ATP2C1: variants seen among roughly 807,000 people sequenced by gnomAD.
ATP2C1 encodes ATPase secretory pathway Ca2+ transporting 1.
ATP2C1 carries 31 observed loss-of-function variants against 120.5 expected under a neutral mutation model. The observed-to-expected ratio is 0.26, with a 90% CI of 0.19 to 0.35. ATP2C1 has a LOEUF of 0.35. ATP2C1 is among the 10% of genes least tolerant of loss of function. The pLI is 1.00. For synonymous variants in ATP2C1, 351 were observed against 358.7 expected (o/e 0.98, Z 0.24); for missense variants, 731 against 1,107.5 (o/e 0.66, Z 4.83).
chr3:131,014,460 G>C (rs569324714), intron 26 of ATP2C1: 29 of 1,399,940 alleles, frequency 2.1e-5, no homozygotes, highest in Non-Finnish European at 9.7e-6. Flanking sequence ...CATTGACATA[G>C]CTTCAACAAA....
At chr3:130,963,024 G>A (rs1235595881) in intron 12 of ATP2C1, 1 of 151,978 alleles carries the variant, frequency 6.6e-6, no homozygotes, top group Non-Finnish European at 1.5e-5. Flanking sequence ...AACAGTGGTA[G>A]AATGAAGGGT....
chr3:130,911,964 T>C (rs1446875410), intron 2 of ATP2C1, among the ~76,000 whole-genome samples: 3 of 133,330 alleles, frequency 2.3e-5, no homozygotes, highest in South Asian at 2.6e-4. Flanking sequence ...TACAACTATC[T>C]GATCTTTGAC....
chr3:131,002,170 A>G lies in ATP2C1; in HGVS notation c.*820A>G, dbSNP rs1399228472. 1 of 977,122 alleles carries G rather than the reference A, an allele frequency of 1.0e-6. No individual in the cohort carries two copies. The highest frequency in any genetic ancestry group is 1.8e-5 in the African/African-American group (1 of 57,066). The allele number at this position is 977,122 out of a possible 1,614,324, so 60.5% of individuals were successfully genotyped here. A position where few individuals can be genotyped will look rare whatever the true frequency, so the allele number is the denominator to read the frequency against. ...TTGAAGTTTATAATAAATTATATTA[A>G]CATGTCTTCCTTTTTGAGGTAAAGA... On this transcript the variant is annotated 3_prime_UTR_variant, in exon 28 of 28. Coordinates refer to ENST00000510168, the MANE Select transcript of ATP2C1 (RefSeq NM_001378687.1).
At chr3:130,907,079 TACAC>T (rs55687116) in intron 2 of ATP2C1, among the ~76,000 whole-genome samples, 14 of 149,928 alleles carry the variant, frequency 9.3e-5, no homozygotes, top group Non-Finnish European at 1.3e-4. Flanking sequence ...TATATGTGTG[TACAC>T]ACACACACAC....
At chr3:130,941,222 C>CTGTGTG (rs1448986686) in intron 7 of ATP2C1, among the ~76,000 whole-genome samples, 1,846 of 105,118 alleles carry the variant, frequency 0.018, 46 homozygotes, top group African/African-American at 0.056. Context: ...CTGTATTTAA[C>CTGTGTG]AGTGTGTGTG....
At chr3:130,973,619 C>G (rs1157133216) in intron 17 of ATP2C1, among the ~76,000 whole-genome samples, 1 of 152,052 alleles carries the variant, frequency 6.6e-6, no homozygotes, top group South Asian at 2.1e-4. Flanking sequence ...GATTTCATCA[C>G]CATACTCAGA....
intron 2 of ATP2C1, among the ~76,000 whole-genome samples, chr3:130,928,765 A>T (rs1425307064): frequency 6.6e-6 from 1 of 152,158 alleles, no homozygotes; most frequent in African/African-American, 2.4e-5. Flanking sequence ...AGGTTTGGGG[A>T]TCTTAGAAAT....
intron 9 of ATP2C1, among the ~76,000 whole-genome samples, 192 bp from the exon 10 acceptor site, chr3:130,954,820 G>GTT (rs1452824122): frequency 6.6e-6 from 1 of 152,022 alleles, no homozygotes; most frequent in Non-Finnish European, 1.5e-5. Flanking sequence ...TGTTTCCAGA[G>GTT]TTTAAATCAT....
In ATP2C1 at chr3:130,947,015, T is replaced by C. The variant is rs536112273; in HGVS notation, c.531+5316T>C. ...TTGCAAACAACTGTGATTCAAAGAATGATATGTGTCTGCTCATGAAATGAA... is the reference window on the plus strand; with the variant it reads ...TTGCAAACAACTGTGATTCAAAGAACGATATGTGTCTGCTCATGAAATGAA... On this transcript the variant is annotated intron_variant, in intron 8 of 27. Transcript: ENST00000510168. Among the ~76,000 whole-genome samples the C allele has an allele frequency of 1.4e-4, 22 of 152,354 alleles. No homozygotes were observed. In the South Asian group the frequency reaches 4.6e-3, roughly 32 times the overall value.
chr3:130,900,593 G>A (rs573421406), intron 2 of ATP2C1, among the ~76,000 whole-genome samples: 1 of 152,166 alleles, frequency 6.6e-6, no homozygotes, highest in South Asian at 2.1e-4. Context: ...ATATGTAAAT[G>A]TGTTTTTTTG....
At chr3:130,873,199 A>G (rs911066043) in intron 1 of ATP2C1, among the ~76,000 whole-genome samples, 4 of 152,218 alleles carry the variant, frequency 2.6e-5, no homozygotes, top group African/African-American at 9.7e-5. Context: ...GTAACTAAAT[A>G]AACAGAGCAG....
chr3:130,952,082 G>A (rs949373064), intron 8 of ATP2C1, among the ~76,000 whole-genome samples: 5 of 152,104 alleles, frequency 3.3e-5, no homozygotes, highest in Non-Finnish European at 5.9e-5. Flanking sequence ...GAGCTCTCAG[G>A]TCTGTCAGGG....
At chr3:130,884,571 G>T (rs1410749475) in intron 1 of ATP2C1, among the ~76,000 whole-genome samples, 1 of 152,118 alleles carries the variant, frequency 6.6e-6, no homozygotes, top group Admixed American at 6.5e-5. Flanking sequence ...TTCTGTCTAG[G>T]AGGTCTGTCC....
intron 1 of ATP2C1, among the ~76,000 whole-genome samples, chr3:130,852,711 C>T (rs2067712887): frequency 1.3e-5 from 2 of 152,250 alleles, no homozygotes; most frequent in South Asian, 4.1e-4. Flanking sequence ...ACCTTGAAAG[C>T]TTGTTGGGAA....
chr3:130,855,605 T>C (rs2107695894), intron 1 of ATP2C1, among the ~76,000 whole-genome samples: 1 of 152,288 alleles, frequency 6.6e-6, no homozygotes, highest in Admixed American at 6.5e-5. Flanking sequence ...GTGCTGGGAT[T>C]AGAATTTGGT....
At chr3:130,891,596 AAT>A (rs2069169841), upstream of ATP2C1, among the ~76,000 whole-genome samples, 1 of 152,232 alleles carries the variant, frequency 6.6e-6, no homozygotes, top group African/African-American at 2.4e-5. Context: ...ACTTGGAAAT[AAT>A]ATGTTTCATT....
At chr3:130,991,724 G>T (rs1318139863) in intron 20 of ATP2C1, among the ~76,000 whole-genome samples, 2 of 152,092 alleles carry the variant, frequency 1.3e-5, no homozygotes, top group Admixed American at 6.6e-5. Flanking sequence ...CTGGAGTAAT[G>T]GTCTTAATAG....
At chr3:130,867,753 C>G in intron 1 of ATP2C1, among the ~76,000 whole-genome samples, 1 of 46,190 alleles carries the variant, frequency 2.2e-5, no homozygotes, top group South Asian at 9.1e-4. Flanking sequence ...GGCCACCCAT[C>G]GTCTGGGATA....
intron 8 of ATP2C1, among the ~76,000 whole-genome samples, chr3:130,952,912 A>G (rs984951459): frequency 6.6e-6 from 1 of 152,134 alleles, no homozygotes; most frequent in Non-Finnish European, 1.5e-5. Context: ...GAGGTAGTGG[A>G]TGTGATGCTG....
Sources: gnomAD v4.1 joint callset for allele counts (sites outside exome capture counted in the v4.1 genomes callset) on GRCh38, gnomAD v4.1.1 for gene constraint, MANE v1.5 for transcripts, NCBI Gene and HGNC (gene_info 2026-07-23, HGNC 2026-07-21) for gene names.